The following CPE variants were observed in gnomAD, a reference collection of about 807,000 sequenced individuals.
CPE encodes the protein carboxypeptidase E, also known as carbocypeptidase E.
A neutral mutation model predicts 53.5 loss-of-function variants in CPE; 17 were observed. The ratio of observed to expected loss-of-function variants is 0.32; its 90% CI spans 0.22 to 0.48. The LOEUF is 0.48. Among genes scored for constraint, CPE ranks in the 20% least tolerant of loss-of-function variants. The pLI is 0.99. For missense variants in CPE, 524 were observed against 614.7 expected (o/e 0.85, Z 1.56); for synonymous variants, 226 against 228.8 (o/e 0.99, Z 0.11).
intron 1 of CPE, among the ~76,000 whole-genome samples, chr4:165,398,562 G>A (rs963344752): frequency 7.2e-5 from 11 of 152,184 alleles, no homozygotes; most frequent in African/African-American, 2.4e-4. Flanking sequence ...GGCTTTTCAA[G>A]ATAGCCCTGA....
chr4:165,439,084 A>G (rs10517850), intron 1 of CPE, among the ~76,000 whole-genome samples: 41,888 of 152,076 alleles, frequency 0.28, 6,714 homozygotes, highest in Middle Eastern at 0.41. Flanking sequence ...TATAATTCTG[A>G]CTTAGAAAAA....
intron 1 of CPE, among the ~76,000 whole-genome samples, chr4:165,423,750 G>A (rs1731267658): frequency 6.7e-6 from 1 of 149,974 alleles, no homozygotes; most frequent in South Asian, 2.1e-4. Flanking sequence ...CCACTAACTC[G>A]TCATTTAGCA....
In CPE at chr4:165,379,542, C is replaced by T. The variant is rs1730468806; in HGVS notation, c.307+14C>T. ...TCCATGAGCCTGGTAAGGGCGCTGC[C>T]CCCTGACAGCCCTGGGGGCATCCCG... On this transcript the variant is annotated intron_variant, in intron 1 of 8. Transcript: ENST00000402744. The surrounding 1 kb of genome is among the most constrained non-coding windows in gnomAD (Gnocchi z 6.0). 2 of 1,543,398 alleles carry T rather than the reference C, an allele frequency of 1.3e-6. No individual in the cohort carries two copies. The highest frequency in any genetic ancestry group is 1.4e-5 in the African/African-American group (1 of 72,844).
At chr4:165,396,273 T>C (rs1225683174) in intron 1 of CPE, among the ~76,000 whole-genome samples, 1 of 152,160 alleles carries the variant, frequency 6.6e-6, no homozygotes, top group African/African-American at 2.4e-5. Context: ...TGACCCACCA[T>C]GCTCTCTCTG....
chr4:165,410,270 T>G (rs1437272061), intron 1 of CPE, among the ~76,000 whole-genome samples: 1 of 151,754 alleles, frequency 6.6e-6, no homozygotes, highest in Admixed American at 6.6e-5. Flanking sequence ...ATCAGAGATT[T>G]TAACAGGTCA....
At chr4:165,469,244 A>G (rs1732158416) in intron 3 of CPE, among the ~76,000 whole-genome samples, 1 of 152,196 alleles carries the variant, frequency 6.6e-6, no homozygotes, top group East Asian at 1.9e-4. Flanking sequence ...GGAAAGGTGA[A>G]GAACTGCTGT....
chr4:165,465,789 T>C (rs545600775), intron 2 of CPE, among the ~76,000 whole-genome samples: 2 of 152,306 alleles, frequency 1.3e-5, no homozygotes, highest in South Asian at 4.1e-4. Context: ...TATTAGTCTA[T>C]AACGCATGTT....
intron 1 of CPE, among the ~76,000 whole-genome samples, chr4:165,462,861 T>TG (rs778988839): frequency 1.3e-5 from 2 of 152,174 alleles, no homozygotes; most frequent in Non-Finnish European, 2.9e-5. Flanking sequence ...CATAGTTTTC[T>TG]GGGGTGAATA....
At chr4:165,390,316 A>C (rs1207621916) in intron 1 of CPE, among the ~76,000 whole-genome samples, 1 of 152,094 alleles carries the variant, frequency 6.6e-6, no homozygotes, top group Non-Finnish European at 1.5e-5. Context: ...CCTTCAGTCT[A>C]CTCAGTGAGA....
At chr4:165,451,608 C>T (rs951306308) in intron 1 of CPE, among the ~76,000 whole-genome samples, 5 of 152,174 alleles carry the variant, frequency 3.3e-5, no homozygotes, top group Admixed American at 2.6e-4. Context: ...TCTCCTGCCT[C>T]AGCCTCCTGA....
chr4:165,424,879 C>CTTT, intron 1 of CPE, among the ~76,000 whole-genome samples: 1 of 137,738 alleles, frequency 7.3e-6, no homozygotes. Context: ...AAAGTAGAAA[C>CTTT]TTTTTTTTTT....
At position 165,411,589 on chromosome 4, in the gene CPE, T is replaced by G. The variant is rs181111809; in HGVS notation, c.307+32061T>G. The stretch of plus-strand genomic sequence containing the variant: ...ATGGAAACCAGCTTTGCCTCCTTTT[T>G]GAGTATGGCCTGTTGATTTCTAATT... On this transcript the variant is annotated intron_variant, in intron 1 of 8. Coordinates refer to ENST00000402744, the MANE Select transcript of CPE (RefSeq NM_001873.4). Among the ~76,000 whole-genome samples, 429 of 152,298 alleles carry G rather than the reference T, an allele frequency of 2.8e-3. 3 individuals are homozygous for G. The highest frequency in any genetic ancestry group is 9.7e-3 in the African/African-American group (405 of 41,580).
At chr4:165,472,759 G>T (rs142296339) in intron 3 of CPE, among the ~76,000 whole-genome samples, 42 of 151,926 alleles carry the variant, frequency 2.8e-4, no homozygotes, top group South Asian at 1.2e-3. Context: ...TCTAAACTAG[G>T]TCAAAAAAAT....
At chr4:165,400,302 G>A (rs113941296) in intron 1 of CPE, among the ~76,000 whole-genome samples, 5 of 152,228 alleles carry the variant, frequency 3.3e-5, no homozygotes, top group African/African-American at 1.2e-4. Flanking sequence ...TGGTGATTAT[G>A]GATGAGATGA....
chr4:165,440,904 A>G (rs1348825324), intron 1 of CPE, among the ~76,000 whole-genome samples: 1 of 152,136 alleles, frequency 6.6e-6, no homozygotes, highest in African/African-American at 2.4e-5. Flanking sequence ...CCGGTGTGGT[A>G]TGAATCTTAA....
At chr4:165,436,755 C>T (rs1465566306) in intron 1 of CPE, among the ~76,000 whole-genome samples, 1 of 152,172 alleles carries the variant, frequency 6.6e-6, no homozygotes, top group Non-Finnish European at 1.5e-5. Context: ...CCTCCTGCCC[C>T]AGCCTCCTGT....
intron 1 of CPE, among the ~76,000 whole-genome samples, chr4:165,430,976 T>A (rs1731399086): frequency 6.6e-6 from 1 of 152,214 alleles, no homozygotes. Flanking sequence ...TTTCTGCTCT[T>A]GTCTTTTCCA....
intron 3 of CPE, among the ~76,000 whole-genome samples, chr4:165,475,257 T>C (rs1442782584): frequency 1.3e-5 from 2 of 152,118 alleles, no homozygotes; most frequent in Admixed American, 1.3e-4. Flanking sequence ...CACAAAGTAC[T>C]TAAAAAGTCA....
intron 1 of CPE, among the ~76,000 whole-genome samples, chr4:165,435,043 G>T (rs1350652506): frequency 1.3e-5 from 2 of 152,124 alleles, no homozygotes; most frequent in African/African-American, 4.8e-5. Context: ...GCCATGAGTG[G>T]AAGCAGCCTG....
Sources: gnomAD v4.1 joint callset for allele counts (sites outside exome capture counted in the v4.1 genomes callset) on GRCh38, gnomAD v4.1.1 for gene constraint, Gnocchi (gnomAD v3.1) non-coding constraint, MANE v1.5 for transcripts, NCBI Gene and HGNC (gene_info 2026-07-23, HGNC 2026-07-21) for gene names.